The following TMEM106C variants were observed in gnomAD, a reference collection of about 807,000 sequenced individuals.
TMEM106C encodes transmembrane protein 106C.
Under a neutral mutation model 30.8 loss-of-function variants are expected in TMEM106C, and 27 were observed. The ratio of observed to expected loss-of-function variants is 0.88; its 90% CI spans 0.65 to 1.21. The LOEUF is 1.21. TMEM106C is among the 50% of genes most tolerant of loss of function. The probability of loss-of-function intolerance (pLI) is 0.00; values close to 1 mark genes in which losing one functional copy is unlikely to be tolerated. For synonymous variants in TMEM106C, 123 were observed against 118.8 expected (o/e 1.04, Z -0.23); for missense variants, 288 against 307.8 (o/e 0.94, Z 0.48).
chr12:47,965,414 C>T (rs1231839829), intron 3 of TMEM106C, 69 bp downstream of exon 3: 1 of 1,354,346 alleles, frequency 7.4e-7, no homozygotes, highest in African/African-American at 1.4e-5. Context: ...TGTATGAATG[C>T]CAGTTAATTC....
chr12:47,964,507 G>T, intron 2 of TMEM106C, 84 bp downstream of exon 2: 1 of 1,322,948 alleles, frequency 7.6e-7, no homozygotes, highest in Non-Finnish European at 1.1e-6. Flanking sequence ...TTTTCTTCTA[G>T]GCAGTAATAC....
In TMEM106C at chr12:47,965,299, G is replaced by A. The variant is rs1342801789; in HGVS notation, c.205G>A (p.Val69Met). 6.2e-7 allele frequency: 1 copy of A among 1,614,030 alleles called. No homozygotes were observed. The highest frequency in any genetic ancestry group is 1.3e-5 in the African/African-American group (1 of 75,054). ...TTTTCTAGAGCAAGTAAATGAGTTGGTGGCTTTGATCCCACACAGTGATCA... is the reference window on the plus strand; with the variant it reads ...TTTTCTAGAGCAAGTAAATGAGTTGATGGCTTTGATCCCACACAGTGATCA... ...YIPTEQVNEL[V>M]ALIPHSDQRL... The change falls in exon 3 of 8, where the codon GTG becomes ATG. Residue 69 changes from valine to methionine, a missense_variant. Physicochemically the swap from Val to Met is conservative, Grantham distance 21 (BLOSUM62 1). Coordinates refer to ENST00000429772, the MANE Select transcript of TMEM106C (RefSeq NM_001143842.2).
chr12:47,968,266 A>G lies in TMEM106C; in HGVS notation c.*37A>G. 2 of 1,500,126 alleles carry G rather than the reference A, an allele frequency of 1.3e-6. No homozygotes were observed. The highest frequency in any genetic ancestry group is 1.9e-6 in the Non-Finnish European group (2 of 1,078,502). The allele number at this position is 1,500,126 out of a possible 1,614,324, so 92.9% of individuals were successfully genotyped here. ...GGTTCTTCCACACAGCGCCTGTAGA[A>G]GAGAGCACAGCATATGTTCCCAAGG... On this transcript the variant is annotated 3_prime_UTR_variant, in exon 8 of 8. Coordinates refer to ENST00000429772, the MANE Select transcript of TMEM106C (RefSeq NM_001143842.2).
At chr12:47,965,431 A>G (rs1014421434) in intron 3 of TMEM106C, 86 bp downstream of exon 3, 1 of 1,233,840 alleles carries the variant, frequency 8.1e-7, no homozygotes, top group Non-Finnish European at 1.2e-6. Flanking sequence ...ATTCTTTGAA[A>G]ACTACACATG....
At position 47,965,998 on chromosome 12, in the gene TMEM106C, G is replaced by A; in HGVS notation, c.411+1G>A. ...CTCCCTTGTAATTCTCACCATCATG[G>A]TAAGCCTTAGGGTTTCATTCCCTGG... On this transcript the variant is annotated splice_donor_variant, in intron 4 of 7. Coordinates refer to ENST00000429772, the MANE Select transcript of TMEM106C (RefSeq NM_001143842.2). LOFTEE classifies it high-confidence loss of function. 1 of 1,614,160 alleles carries A rather than the reference G, an allele frequency of 6.2e-7. No individual in the cohort carries two copies. Among genetic ancestry groups the A allele is most frequent in the South Asian group, 1.1e-5 (1 of 91,078 alleles).
In TMEM106C at chr12:47,966,858, G is replaced by A. The variant is rs544864416; in HGVS notation, c.602+126G>A. The A allele has an allele frequency of 1.0e-4, 94 of 933,112 alleles. No homozygotes were observed. In the African/African-American group the frequency reaches 1.1e-3, roughly 11 times the overall value. 57.8% of individuals were successfully genotyped at this position (933,112 alleles called of 1,614,324 possible). A position where few individuals can be genotyped will look rare whatever the true frequency, so the allele number is the denominator to read the frequency against. On this transcript the variant is annotated intron_variant, in intron 6 of 7. Coordinates refer to ENST00000429772, the MANE Select transcript of TMEM106C (RefSeq NM_001143842.2). ...TTTGACTTATAGGTTCCCTGGCTTT[G>A]GATGTCTTGAGATTTATTTGAAGAA...
At chr12:47,965,656 C>A in intron 3 of TMEM106C, 182 bp from the exon 4 acceptor site, 1 of 792,808 alleles carries the variant, frequency 1.3e-6, no homozygotes, top group Non-Finnish European at 2.1e-6. Context: ...AGAGTGCAAA[C>A]AGTGTTTAAA....
At chr12:47,964,039 T>G (rs1592183829) in intron 1 of TMEM106C, 170 bp from the exon 2 acceptor site, 1 of 598,172 alleles carries the variant, frequency 1.7e-6, no homozygotes, top group East Asian at 2.9e-5. Flanking sequence ...AAGAGGAGAG[T>G]GGGTAGCACT....
intron 2 of TMEM106C, chr12:47,964,655 T>C (rs574910538): frequency 3.7e-6 from 2 of 545,556 alleles, no homozygotes; most frequent in Admixed American, 3.2e-5. Context: ...TTTCCTGAGG[T>C]TTGGAACATT....
At chr12:47,966,031 A>G (rs991902459) in intron 4 of TMEM106C, 34 bp downstream of exon 4, 1 of 1,614,146 alleles carries the variant, frequency 6.2e-7, no homozygotes, top group Non-Finnish European at 8.5e-7. Flanking sequence ...TGGGTTGTGC[A>G]CCTGCCAGGC....
Position 47,968,400 on chromosome 12 carries a change from A to G in TMEM106C, c.*171A>G. 1.5e-6 allele frequency: 1 copy of G among 688,830 alleles called. No homozygotes were observed. The highest frequency in any genetic ancestry group is 2.6e-6 in the Non-Finnish European group (1 of 377,650). 42.7% of individuals were successfully genotyped at this position (688,830 alleles called of 1,614,324 possible). A position where few individuals can be genotyped will look rare whatever the true frequency, so the allele number is the denominator to read the frequency against. On this transcript the variant is annotated 3_prime_UTR_variant, in exon 8 of 8. Transcript: ENST00000429772. ...TTAGGAGGAAACACCTCCCTATGGTACCATTTATGTTTCTCAGAACCAGCA... is the reference window on the plus strand; with the variant it reads ...TTAGGAGGAAACACCTCCCTATGGTGCCATTTATGTTTCTCAGAACCAGCA...
At chr12:47,968,029 C>A (rs113477225) in intron 7 of TMEM106C, 104 bp from the exon 8 acceptor site, 1 of 753,542 alleles carries the variant, frequency 1.3e-6, no homozygotes. Context: ...GCCTGGGGCC[C>A]GTGGGTATTG....
chr12:47,968,006 C>T (rs1223899176), intron 7 of TMEM106C, 127 bp from the exon 8 acceptor site: 1 of 651,316 alleles, frequency 1.5e-6, no homozygotes, highest in African/African-American at 1.8e-5. Flanking sequence ...GTTACATAAC[C>T]ATGAGGATAT....
chr12:47,966,658 A>G, intron 5 of TMEM106C, 25 bp from the exon 6 acceptor site: 2 of 1,614,128 alleles, frequency 1.2e-6, no homozygotes, highest in Non-Finnish European at 1.7e-6. Context: ...TTGGCCACAG[A>G]CCAACTCTGG....
chr12:47,968,419 A>G lies in TMEM106C; in HGVS notation c.*190A>G. 1.5e-6 allele frequency: 1 copy of G among 676,270 alleles called. No individual in the cohort carries two copies. Among genetic ancestry groups the G allele is most frequent in the Non-Finnish European group, 2.7e-6 (1 of 369,788 alleles). The allele number at this position is 676,270 out of a possible 1,614,324, so 41.9% of individuals were successfully genotyped here. Reference sequence around the variant, plus strand: ...TATGGTACCATTTATGTTTCTCAGAACCAGCAGAATCAGTGCCTAGCCTGT... The same window carrying G: ...TATGGTACCATTTATGTTTCTCAGAGCCAGCAGAATCAGTGCCTAGCCTGT... On this transcript the variant is annotated 3_prime_UTR_variant, in exon 8 of 8. Transcript: ENST00000429772.
Sources: gnomAD v4.1 joint callset for allele counts on GRCh38, gnomAD v4.1.1 for gene constraint, MANE v1.5 for transcripts, NCBI Gene and HGNC (gene_info 2026-07-23, HGNC 2026-07-21) for gene names.